ZNF90: variants seen among roughly 807,000 people sequenced by gnomAD.
The protein encoded by ZNF90 is zinc finger protein HTF9.
A neutral mutation model predicts 12.0 loss-of-function variants in ZNF90; 11 were observed. The ratio of observed to expected loss-of-function variants is 0.92; its 90% CI spans 0.58 to 1.52. The LOEUF (loss-of-function observed/expected upper bound fraction) is 1.52. Among genes scored for constraint, ZNF90 ranks in the 40% most tolerant of loss-of-function variants. The pLI is 0.00. For synonymous variants in ZNF90, 232 were observed against 240.1 expected (o/e 0.97, Z 0.31); for missense variants, 765 against 711.5 (o/e 1.08, Z -0.86).
intron 3 of ZNF90, among the ~76,000 whole-genome samples, chr19:20,105,616 C>T (rs1242165044): frequency 6.6e-5 from 10 of 152,146 alleles, no homozygotes; most frequent in South Asian, 2.1e-4. Flanking sequence ...GCTTTTACAT[C>T]GTCTTGGGGA....
chr19:20,114,761 G>GA (rs1388343915), intron 3 of ZNF90, among the ~76,000 whole-genome samples: 1 of 152,086 alleles, frequency 6.6e-6, no homozygotes, highest in African/African-American at 2.4e-5. Flanking sequence ...TGTTGTTGAG[G>GA]AGTGTTCTCT....
chr19:20,119,006 A>C lies in ZNF90; in HGVS notation c.1452A>C (p.Gln484His). 1 of 1,607,332 alleles carries C rather than the reference A, an allele frequency of 6.2e-7. No homozygotes were observed. The highest frequency in any genetic ancestry group is 8.5e-7 in the Non-Finnish European group (1 of 1,176,384). Reference protein sequence around the residue: ...SHTEEKLYKCQECDKAFKYSS... With the variant: ...SHTEEKLYKCHECDKAFKYSS... The stretch of plus-strand genomic sequence containing the variant: ...CTGAAGAGAAACTCTACAAATGTCA[A>C]GAATGTGACAAAGCCTTCAAGTACT... The change falls in exon 4 of 4, where the codon CAA becomes CAC. Residue 484 changes from glutamine to histidine, a missense_variant. Physicochemically the swap from Gln to His is conservative, Grantham distance 24. Coordinates refer to ENST00000418063, the MANE Select transcript of ZNF90 (RefSeq NM_007138.2).
intron 1 of ZNF90, chr19:20,080,447 G>A (rs1450648560): frequency 3.2e-6 from 1 of 312,310 alleles, no homozygotes; most frequent in Non-Finnish European, 6.5e-6. Flanking sequence ...TGGCAGCCGG[G>A]CGCCACAACT....
chr19:20,082,641 G>A (rs761342618), intron 1 of ZNF90, among the ~76,000 whole-genome samples: 8 of 152,138 alleles, frequency 5.3e-5, no homozygotes, highest in African/African-American at 7.2e-5. Context: ...GTGGAAGGCC[G>A]CAGGGACCTC....
At chr19:20,084,469 A>T (rs2088844232) in intron 1 of ZNF90, among the ~76,000 whole-genome samples, 1 of 152,168 alleles carries the variant, frequency 6.6e-6, no homozygotes, top group Non-Finnish European at 1.5e-5. Flanking sequence ...GTATGTCTTT[A>T]TGATATAATA....
chr19:20,100,101 C>G lies in ZNF90; in HGVS notation c.4-4138C>G, dbSNP rs111317114. On this transcript the variant is annotated intron_variant, in intron 1 of 3. Transcript: ENST00000418063. ...GACCCCTAGTATGGGGTAATCCCCT[C>G]CAGGAAACCAAGCCCCAGTACTCAG... is the stretch of plus-strand genomic sequence containing the variant. Among the ~76,000 whole-genome samples, 637 of 152,270 alleles carry G rather than the reference C, an allele frequency of 4.2e-3. 6 individuals are homozygous for G. The highest frequency in any genetic ancestry group is 0.015 in the African/African-American group (610 of 41,558).
intron 3 of ZNF90, among the ~76,000 whole-genome samples, chr19:20,117,013 T>TTCTGTG (rs1555705730): frequency 1.1e-4 from 14 of 128,664 alleles, no homozygotes; most frequent in Admixed American, 2.3e-4. Context: ...CAACTTACAT[T>TTCTGTG]TGTGTGTGTG....
At chr19:20,083,234 T>C (rs534679773) in intron 1 of ZNF90, among the ~76,000 whole-genome samples, 142 of 152,308 alleles carry the variant, frequency 9.3e-4, no homozygotes, top group African/African-American at 3.3e-3. Flanking sequence ...TGTGTCTCTT[T>C]CTTTTCTCAG....
In ZNF90 at chr19:20,118,616, A is replaced by T. The variant is rs1555706085; in HGVS notation, c.1062A>T (p.Leu354Phe). 1 of 1,610,096 alleles carries T rather than the reference A, an allele frequency of 6.2e-7. No homozygotes were observed. ...GTGGCAAAGCCTTCAGGCGCTCCTTAGTCCTTCGTACACATAAGAGAATTC... is the reference window on the plus strand; with the variant it reads ...GTGGCAAAGCCTTCAGGCGCTCCTTTGTCCTTCGTACACATAAGAGAATTC... ...EECGKAFRRS[L>F]VLRTHKRIHT... Residue 354 changes from leucine (L) to phenylalanine (F), a missense_variant, in exon 4 of 4, where the codon TTA becomes TTT. By Grantham distance (22) the Leu-to-Phe change is conservative. Coordinates refer to ENST00000418063, the MANE Select transcript of ZNF90 (RefSeq NM_007138.2).
chr19:20,106,044 C>CTTTTTTTTTTTTTT (rs56933917), intron 3 of ZNF90, among the ~76,000 whole-genome samples: 3 of 71,034 alleles, frequency 4.2e-5, no homozygotes, highest in African/African-American at 1.1e-4. Context: ...CTAATTTTTT[C>CTTTTTTTTTTTTTT]TTTTTTTTTT....
At chr19:20,085,589 T>G (rs566568704) in intron 1 of ZNF90, among the ~76,000 whole-genome samples, 13 of 152,316 alleles carry the variant, frequency 8.5e-5, no homozygotes, top group Non-Finnish European at 1.6e-4. Context: ...ATTAATAAGT[T>G]TCATATAATA....
intron 1 of ZNF90, among the ~76,000 whole-genome samples, chr19:20,097,961 G>A (rs1555703420): frequency 6.6e-6 from 1 of 152,156 alleles, no homozygotes; most frequent in East Asian, 1.9e-4. Context: ...CCCACTCTGT[G>A]TTTCTCTTAT....
chr19:20,114,969 G>A (rs557128861), intron 3 of ZNF90, among the ~76,000 whole-genome samples: 3 of 151,984 alleles, frequency 2.0e-5, no homozygotes, highest in Admixed American at 6.6e-5. Flanking sequence ...AGACACACAC[G>A]CACACAAATA....
At chr19:20,106,044 CTTTTTTTTTTTT>C (rs56933917) in intron 3 of ZNF90, among the ~76,000 whole-genome samples, 4 of 71,040 alleles carry the variant, frequency 5.6e-5, no homozygotes, top group Non-Finnish European at 5.4e-5. Context: ...CTAATTTTTT[CTTTTTTTTTTTT>C]TTTTTTTTTT....
intron 3 of ZNF90, among the ~76,000 whole-genome samples, chr19:20,112,561 A>G (rs1322985548): frequency 2.0e-5 from 3 of 152,082 alleles, no homozygotes; most frequent in African/African-American, 7.2e-5. Context: ...ATCTCAGGCA[A>G]TCCACCCACC....
chr19:20,093,932 T>C (rs1217023463), intron 1 of ZNF90, among the ~76,000 whole-genome samples: 1 of 152,158 alleles, frequency 6.6e-6, no homozygotes, highest in Non-Finnish European at 1.5e-5. Context: ...CAGAGAGCCT[T>C]GGGCTAGAGC....
rs1412159215 is a variant in ZNF90, at chr19:20,118,496, A to G, written c.942A>G (p.Lys314=). The change falls in exon 4 of 4, where the codon AAA becomes AAG. Residue 314 remains lysine (K), a synonymous_variant. Coordinates refer to ENST00000418063, the MANE Select transcript of ZNF90 (RefSeq NM_007138.2). ...KISHTEEKPY[K]CEECGKAFKL... Reference sequence around the variant, plus strand: ...GTCATACTGAAGAGAAACCCTACAAATGTGAAGAATGTGGCAAAGCCTTCA... The same window carrying G: ...GTCATACTGAAGAGAAACCCTACAAGTGTGAAGAATGTGGCAAAGCCTTCA... 1 of 1,613,678 alleles carries G rather than the reference A, an allele frequency of 6.2e-7. No individual in the cohort carries two copies. The highest frequency in any genetic ancestry group is 8.5e-7 in the Non-Finnish European group (1 of 1,179,936).
Position 20,117,910 on chromosome 19 carries a change from G to A in ZNF90, c.356G>A (p.Ser119Asn), listed in dbSNP as rs782560522. The change falls in exon 4 of 4, where the codon AGT becomes AAT. Residue 119 changes from serine (S) to asparagine (N), a missense_variant. Physicochemically the swap from Ser to Asn is conservative, Grantham distance 46. Transcript: ENST00000418063. ...TTAGAGTTAAAAAAAGGTTGTGAAAGTGTGGATGAGGGTAAAGTACACAAA... is the reference window on the plus strand; with the variant it reads ...TTAGAGTTAAAAAAAGGTTGTGAAAATGTGGATGAGGGTAAAGTACACAAA... ...GNLELKKGCE[S>N]VDEGKVHKRG... 1.4e-5 allele frequency: 23 copies of A among 1,612,826 alleles called. No homozygotes were observed. In the South Asian group the frequency reaches 2.3e-4, roughly 16 times the overall value.
chr19:20,117,832 A>T lies in ZNF90; in HGVS notation c.278A>T (p.Asp93Val). The change falls in exon 4 of 4, where the codon GAT becomes GTT. Residue 93 changes from aspartate to valine, a missense_variant. By Grantham distance (152) the Asp-to-Val change is radical. Coordinates refer to ENST00000418063, the MANE Select transcript of ZNF90 (RefSeq NM_007138.2). ...CTTTGTCCAGAGCAGAGCCTAAAAG[A>T]TTCCTTCCAAAAAGTGATAGTGACA... ...QDLCPEQSLK[D>V]SFQKVIVTRY... 1.3e-6 allele frequency: 2 copies of T among 1,595,716 alleles called. No individual in the cohort carries two copies. The highest frequency in any genetic ancestry group is 1.7e-4 in the Middle Eastern group (1 of 5,962).
Sources: allele counts gnomAD v4.1 joint callset (sites outside exome capture counted in the v4.1 genomes callset), GRCh38; gene constraint gnomAD v4.1.1; transcripts MANE v1.5; gene names NCBI Gene and HGNC (gene_info 2026-07-23, HGNC 2026-07-21).